The following PIK3C2G variants were observed in gnomAD, a reference collection of about 807,000 sequenced individuals.
PIK3C2G encodes the protein phosphatidylinositol 3-kinase C2 domain-containing subunit gamma.
PIK3C2G carries 168 observed loss-of-function variants against 181.1 expected under a neutral mutation model. That is an observed-to-expected ratio of 0.93 (90% CI 0.82 to 1.05). The LOEUF (loss-of-function observed/expected upper bound fraction) is 1.05. PIK3C2G is among the 50% of genes least tolerant of loss of function. PIK3C2G has a pLI of 0.00. For missense variants in PIK3C2G, 1,869 were observed against 1,732.8 expected (o/e 1.08, Z -1.40); for synonymous variants, 573 against 592.2 (o/e 0.97, Z 0.47).
chr12:18,499,477 C>T (rs1003826315), intron 22 of PIK3C2G, among the ~76,000 whole-genome samples: 7 of 152,194 alleles, frequency 4.6e-5, no homozygotes, highest in African/African-American at 1.7e-4. Context: ...ACTTTATCAA[C>T]ATTATTGCTG....
At chr12:18,419,024 G>A (rs1242556602) in intron 16 of PIK3C2G, among the ~76,000 whole-genome samples, 1 of 152,176 alleles carries the variant, frequency 6.6e-6, no homozygotes, top group Non-Finnish European at 1.5e-5. Flanking sequence ...ACAGACTACA[G>A]TGAGGAAGGC....
At chr12:18,482,972 GTCT>G in intron 18 of PIK3C2G, among the ~76,000 whole-genome samples, 1 of 152,100 alleles carries the variant, frequency 6.6e-6, no homozygotes, top group East Asian at 1.9e-4. Flanking sequence ...ACTTGTTGTT[GTCT>G]TCTTGTTGTC....
chr12:18,256,396 C>A (rs1399924570), intron 1 of PIK3C2G, among the ~76,000 whole-genome samples: 1 of 152,088 alleles, frequency 6.6e-6, no homozygotes, highest in Admixed American at 6.6e-5. Flanking sequence ...GGTTTCTTTG[C>A]TTAGCACATT....
At chr12:18,430,706 T>C (rs1946106333) in intron 18 of PIK3C2G, among the ~76,000 whole-genome samples, 1 of 152,098 alleles carries the variant, frequency 6.6e-6, no homozygotes, top group Non-Finnish European at 1.5e-5. Context: ...AACGAGGCAA[T>C]GGATATCACT....
At chr12:18,357,705 T>A (rs941627445) in intron 11 of PIK3C2G, among the ~76,000 whole-genome samples, 1 of 152,208 alleles carries the variant, frequency 6.6e-6, no homozygotes, top group South Asian at 2.1e-4. Context: ...AGTACAGTAA[T>A]GTTAACTACA....
At chr12:18,704,259 A>T in the PIK3C2G span, among the ~76,000 whole-genome samples, 1 of 152,172 alleles carries the variant, frequency 6.6e-6, no homozygotes, top group African/African-American at 2.4e-5. Context: ...ATTAGAAGAG[A>T]AAGAGGGACT....
downstream of PIK3C2G, among the ~76,000 whole-genome samples, chr12:18,648,574 A>G (rs1247342298): frequency 1.3e-5 from 2 of 152,184 alleles, no homozygotes; most frequent in Non-Finnish European, 2.9e-5. Context: ...TCTTACATTC[A>G]ATTGTTGGAA....
chr12:18,567,957 C>A lies in PIK3C2G; in HGVS notation c.4011+900C>A, dbSNP rs947573718. 1.8e-4 allele frequency among the ~76,000 whole-genome samples: 27 copies of A among 152,208 alleles called. 1 individual carries two copies. In the South Asian group the frequency reaches 5.6e-3, roughly 32 times the overall value. ...GCTGCTTGTGTTCCTTGGCTTGTGG[C>A]TCTCTTCCAGCGACACAGTGGCACA... is the stretch of plus-strand genomic sequence containing the variant. On this transcript the variant is annotated intron_variant, in intron 29 of 32. Coordinates refer to ENST00000538779, the MANE Select transcript of PIK3C2G (RefSeq NM_001288772.2).
chr12:18,327,342 A>G (rs1951391442), intron 8 of PIK3C2G, among the ~76,000 whole-genome samples: 1 of 152,080 alleles, frequency 6.6e-6, no homozygotes, highest in Non-Finnish European at 1.5e-5. Context: ...TCATGTCCAA[A>G]ACAGTGTCAA....
chr12:18,292,615 A>G (rs2137214353), intron 4 of PIK3C2G, among the ~76,000 whole-genome samples: 1 of 152,268 alleles, frequency 6.6e-6, no homozygotes, highest in Middle Eastern at 3.4e-3. Context: ...ACTATTAAAT[A>G]GCATGTTCAT....
chr12:18,319,033 C>T (rs528966923), intron 6 of PIK3C2G, among the ~76,000 whole-genome samples: 9 of 151,204 alleles, frequency 6.0e-5, no homozygotes, highest in Admixed American at 4.6e-4. Flanking sequence ...TGTAGTGAGC[C>T]GAGATCACAC....
At chr12:18,338,383 T>A (rs1938755446) in intron 8 of PIK3C2G, 43 bp from the exon 9 acceptor site, 1 of 1,421,830 alleles carries the variant, frequency 7.0e-7, no homozygotes, top group African/African-American at 1.4e-5. Context: ...TGTCCCCTCA[T>A]TTATTTCAAT....
intron 24 of PIK3C2G, among the ~76,000 whole-genome samples, chr12:18,511,423 T>C (rs376694230): frequency 6.6e-6 from 1 of 152,134 alleles, no homozygotes; most frequent in East Asian, 1.9e-4. Flanking sequence ...ATAATTGCTG[T>C]ACTAATTTAT....
the PIK3C2G span, among the ~76,000 whole-genome samples, chr12:18,690,249 C>A: frequency 1.3e-5 from 2 of 152,064 alleles, no homozygotes; most frequent in Non-Finnish European, 2.9e-5. Context: ...TTGAGACGAA[C>A]TTTGGCTCTT....
chr12:18,262,703 T>C (rs1948302372), intron 1 of PIK3C2G, among the ~76,000 whole-genome samples: 1 of 151,962 alleles, frequency 6.6e-6, no homozygotes, highest in Non-Finnish European at 1.5e-5. Flanking sequence ...AGCAAGATCC[T>C]GTGATGCCAT....
At chr12:18,388,678 G>A (rs1051401630) in intron 14 of PIK3C2G, among the ~76,000 whole-genome samples, 1 of 152,224 alleles carries the variant, frequency 6.6e-6, no homozygotes, top group Non-Finnish European at 1.5e-5. Context: ...CACCTTATGG[G>A]TATGGTTGTG....
chr12:18,343,602 T>A (rs1238386995), intron 10 of PIK3C2G, among the ~76,000 whole-genome samples: 2 of 152,008 alleles, frequency 1.3e-5, no homozygotes, highest in Admixed American at 6.6e-5. Flanking sequence ...CCTGATATTT[T>A]AAAAATAATG....
intron 31 of PIK3C2G, among the ~76,000 whole-genome samples, chr12:18,630,954 G>A (rs965022812): frequency 6.6e-6 from 1 of 152,012 alleles, no homozygotes; most frequent in East Asian, 1.9e-4. Context: ...GGAGTGTTAA[G>A]TCTTTGTGAA....
chr12:18,318,776 G>A (rs1950978659), intron 6 of PIK3C2G, among the ~76,000 whole-genome samples: 1 of 149,002 alleles, frequency 6.7e-6, no homozygotes, highest in Non-Finnish European at 1.5e-5. Context: ...CTCATTTCAA[G>A]AGAACAAGAA....
Sources: gnomAD v4.1 joint callset for allele counts (sites outside exome capture counted in the v4.1 genomes callset) on GRCh38, gnomAD v4.1.1 for gene constraint, MANE v1.5 for transcripts, NCBI Gene and HGNC (gene_info 2026-07-23, HGNC 2026-07-21) for gene names.